The following TBC1D5 variants were observed in gnomAD, a reference collection of about 807,000 sequenced individuals.
The protein encoded by TBC1D5 is TBC1 domain family member 5, also known as TBC1 domain family, member 5.
TBC1D5 carries 75 observed loss-of-function variants against 100.3 expected under a neutral mutation model. That is an observed-to-expected ratio of 0.75 (90% CI 0.62 to 0.91). The LOEUF (loss-of-function observed/expected upper bound fraction) is 0.91. TBC1D5 is among the 40% of genes least tolerant of loss of function. The probability of loss-of-function intolerance (pLI) is 0.00; values close to 1 mark genes in which losing one functional copy is unlikely to be tolerated. For synonymous variants in TBC1D5, 323 were observed against 325.6 expected (o/e 0.99, Z 0.09); for missense variants, 910 against 942.4 (o/e 0.97, Z 0.45).
At chr3:17,368,690 C>T (rs752636193) in intron 13 of TBC1D5, among the ~76,000 whole-genome samples, 5 of 150,842 alleles carry the variant, frequency 3.3e-5, no homozygotes, top group Admixed American at 2.0e-4. Context: ...TTTTTATTTT[C>T]TTTTTAAATT....
chr3:17,288,552 T>C (rs1475337469), intron 15 of TBC1D5, among the ~76,000 whole-genome samples: 1 of 152,148 alleles, frequency 6.6e-6, no homozygotes. Flanking sequence ...TGTGCCCACC[T>C]CTAAGTGGTG....
chr3:17,279,758 G>A (rs1409289564), intron 15 of TBC1D5, among the ~76,000 whole-genome samples: 1 of 152,172 alleles, frequency 6.6e-6, no homozygotes, highest in African/African-American at 2.4e-5. Flanking sequence ...CAAATACAGA[G>A]TTCTGGGTCC....
At chr3:17,570,661 A>T (rs947403486) in intron 2 of TBC1D5, among the ~76,000 whole-genome samples, 6 of 151,950 alleles carry the variant, frequency 3.9e-5, no homozygotes, top group African/African-American at 1.4e-4. Flanking sequence ...CTACCTTTTC[A>T]GTATTTTATT....
intron 13 of TBC1D5, among the ~76,000 whole-genome samples, chr3:17,354,230 G>C (rs1444557321): frequency 6.6e-6 from 1 of 152,038 alleles, no homozygotes; most frequent in East Asian, 1.9e-4. Context: ...TCAAAGATTA[G>C]TGTAAATGTA....
At chr3:17,460,712 CCAAAAAAGGATGCAA>C (rs996719642) in intron 3 of TBC1D5, among the ~76,000 whole-genome samples, 1 of 150,354 alleles carries the variant, frequency 6.7e-6, no homozygotes, top group African/African-American at 2.5e-5. Context: ...TACATATATG[CCAAAAAAGGATGCAA>C]CACTTCAATG....
intron 2 of TBC1D5, among the ~76,000 whole-genome samples, chr3:17,600,609 A>G (rs1464585882): frequency 6.6e-6 from 1 of 152,244 alleles, no homozygotes; most frequent in African/African-American, 2.4e-5. Context: ...ATTATAAAGC[A>G]GTAAAATGAA....
intron 3 of TBC1D5, among the ~76,000 whole-genome samples, chr3:17,456,403 A>G (rs73161483): frequency 0.091 from 13,878 of 152,246 alleles, 1,424 homozygotes; most frequent in African/African-American, 0.26. Flanking sequence ...CTACCCATGT[A>G]ACAAGGGATT....
rs2076058370 is a variant in TBC1D5 at position 17,238,525 on chromosome 3, TTTA to T, written c.1332-109_1332-107del. ...ACCTTGTCTGCTTTGAAAAAGGTCA[TTTA>T]CTAGACCAGCTATATAAAGTGAGAA... On this transcript the variant is annotated intron_variant, in intron 16 of 21. Transcript: ENST00000253692. The T allele has an allele frequency of 3.0e-5, 38 of 1,286,324 alleles. No individual in the cohort carries two copies. In the Middle Eastern group the frequency reaches 1.5e-3, roughly 51 times the overall value. 79.7% of individuals were successfully genotyped at this position (1,286,324 alleles called of 1,614,324 possible).
intron 1 of TBC1D5, among the ~76,000 whole-genome samples, chr3:17,674,243 T>C (rs1475125760): frequency 6.6e-6 from 1 of 152,182 alleles, no homozygotes; most frequent in East Asian, 1.9e-4. Context: ...CTCCATTTCT[T>C]TATATGCCTT....
intron 3 of TBC1D5, among the ~76,000 whole-genome samples, chr3:17,497,775 T>A (rs1345799617): frequency 6.6e-6 from 1 of 151,912 alleles, no homozygotes; most frequent in African/African-American, 2.4e-5. Context: ...GTACACATGA[T>A]GCCATGATAT....
rs1465556919 is a variant in TBC1D5, at chr3:17,704,178, C to A, written c.-101+35165G>T. ...TTTAACAAAGCACATCTTGCACCGC[C>A]CTTAATCCATTTAACCCTGAGTGGA... is the stretch of plus-strand genomic sequence containing the variant. On this transcript the variant is annotated intron_variant, in intron 1 of 21. Transcript: ENST00000253692. Among the ~76,000 whole-genome samples, 5 of 138,200 alleles carry A rather than the reference C, an allele frequency of 3.6e-5. No homozygotes were observed. In the East Asian group the frequency reaches 1.1e-3, roughly 30 times the overall value. The allele number at this position is 138,200 out of a possible 152,430, so 90.7% of individuals were successfully genotyped here.
intron 13 of TBC1D5, among the ~76,000 whole-genome samples, chr3:17,342,182 C>A (rs978474262): frequency 2.0e-5 from 3 of 152,218 alleles, no homozygotes; most frequent in Admixed American, 6.5e-5. Context: ...ATCTTTGTCA[C>A]TTCCTCATAT....
intron 4 of TBC1D5, among the ~76,000 whole-genome samples, chr3:17,414,614 G>A (rs1016266825): frequency 3.3e-5 from 5 of 152,146 alleles, no homozygotes; most frequent in Non-Finnish European, 7.4e-5. Context: ...GTAAAGTGTG[G>A]CACCAGATAT....
At chr3:17,372,118 T>G in exon 13 of TBC1D5, 2 of 1,613,672 alleles carry the variant, frequency 1.2e-6, no homozygotes, top group Non-Finnish European at 1.7e-6. Context: ...TTCAAGTGCA[T>G]GTAAAGCTCA....
intron 9 of TBC1D5, among the ~76,000 whole-genome samples, chr3:17,382,599 C>T (rs1212747417): frequency 2.7e-5 from 4 of 149,292 alleles, no homozygotes; most frequent in Non-Finnish European, 5.9e-5. Flanking sequence ...CTCACTCTTT[C>T]GCTCAGGCTA....
chr3:17,674,779 G>A (rs1299750358), intron 1 of TBC1D5, among the ~76,000 whole-genome samples: 2 of 152,062 alleles, frequency 1.3e-5, no homozygotes, highest in African/African-American at 2.4e-5. Flanking sequence ...AAAGATGGAA[G>A]TTGGGGAGAT....
chr3:17,670,035 G>A (rs868173242), intron 1 of TBC1D5, among the ~76,000 whole-genome samples: 5 of 152,132 alleles, frequency 3.3e-5, no homozygotes, highest in Admixed American at 2.6e-4. Context: ...ACAGGCGCAC[G>A]CCGCCATGCC....
intron 15 of TBC1D5, among the ~76,000 whole-genome samples, chr3:17,268,676 T>C (rs188716991): frequency 1.0e-3 from 158 of 152,266 alleles, no homozygotes; most frequent in Middle Eastern, 0.01. Context: ...ATACTGCTAA[T>C]AATATTGTAG....
chr3:17,599,792 A>G (rs1467335529), intron 2 of TBC1D5, among the ~76,000 whole-genome samples: 1 of 152,188 alleles, frequency 6.6e-6, no homozygotes, highest in African/African-American at 2.4e-5. Context: ...GGTGGCGGCC[A>G]AGTAAGCAAG....
Sources: gnomAD v4.1 joint callset for allele counts (sites outside exome capture counted in the v4.1 genomes callset) on GRCh38, gnomAD v4.1.1 for gene constraint, MANE v1.5 for transcripts, NCBI Gene and HGNC (gene_info 2026-07-23, HGNC 2026-07-21) for gene names.